SLC23A3: variants seen among roughly 807,000 people sequenced by gnomAD.
SLC23A3 encodes the protein E2-binding protein 3.
A neutral mutation model predicts 64.7 loss-of-function variants in SLC23A3; 41 were observed. The observed-to-expected ratio is 0.63, with a 90% CI of 0.49 to 0.82. The LOEUF is 0.82. Ranked by LOEUF, SLC23A3 falls within the 40% of genes least tolerant of loss-of-function variation. The pLI is 0.00. For missense variants in SLC23A3, 647 were observed against 733.4 expected (o/e 0.88, Z 1.36); for synonymous variants, 281 against 306.8 (o/e 0.92, Z 0.88).
intron 8 of SLC23A3, 50 bp from the exon 9 acceptor site, chr2:219,164,388 C>G: frequency 7.9e-7 from 1 of 1,261,306 alleles, no homozygotes; most frequent in Non-Finnish European, 1.1e-6. Flanking sequence ...TCAGACTGTC[C>G]CAGGTCTTTG....
chr2:219,163,068 C>T (rs922494202), intron 10 of SLC23A3, among the ~76,000 whole-genome samples: 1 of 152,228 alleles, frequency 6.6e-6, no homozygotes, highest in African/African-American at 2.4e-5. Context: ...ATGTTTAAAA[C>T]TTACCATCCT....
Position 219,169,816 on chromosome 2 carries a change from C to T in SLC23A3, c.162+7G>A, listed in dbSNP as rs1304164546. ...GCAGCACCAACTCCTGCACCTCTGC[C>T]TCCTACCTGCAGAGCCAGAAGACAG... On this transcript the variant is annotated splice_region_variant and intron_variant, in intron 1 of 11. Transcript: ENST00000409878. The surrounding 1 kb of genome is among the most constrained non-coding windows in gnomAD (Gnocchi z 4.5). 3 of 1,613,898 alleles carry T rather than the reference C, an allele frequency of 1.9e-6. No homozygotes were observed. Among genetic ancestry groups the T allele is most frequent in the Admixed American group, 1.7e-5 (1 of 59,970 alleles).
At position 219,169,883 on chromosome 2, in the gene SLC23A3, G is replaced by A. The variant is rs371125741; in HGVS notation, c.102C>T (p.His34=). ...PPPAPQNPST[H]SWDPLCGSLP... Reference sequence around the variant, plus strand: ...GAGATCCACACAAAGGGTCCCAAGAGTGGGTGGAGGGATTCTGGGGAGCAG... The same window carrying A: ...GAGATCCACACAAAGGGTCCCAAGAATGGGTGGAGGGATTCTGGGGAGCAG... Residue 34 remains histidine (H), a synonymous_variant, in exon 1 of 12, where the codon CAC becomes CAT. Transcript: ENST00000409878. The surrounding 1 kb of genome is among the most constrained non-coding windows in gnomAD (Gnocchi z 4.5). 28 of 1,613,578 alleles carry A rather than the reference G, an allele frequency of 1.7e-5. No individual in the cohort carries two copies. Among genetic ancestry groups the A allele is most frequent in the Non-Finnish European group, 2.2e-5 (26 of 1,179,838 alleles).
chr2:219,162,142 G>C lies in SLC23A3; in HGVS notation c.1600C>G (p.Arg534Gly). The C allele has an allele frequency of 1.9e-6, 3 of 1,613,966 alleles. No homozygotes were observed. The highest frequency in any genetic ancestry group is 1.1e-5 in the South Asian group (1 of 91,046). Residue 534 changes from arginine (R) to glycine (G), a missense_variant, in exon 12 of 12, where the codon CGA (arginine) becomes GGA (glycine). Arg to Gly is a moderately radical substitution (Grantham distance 125). Coordinates refer to ENST00000409878, the MANE Select transcript of SLC23A3 (RefSeq NM_001144889.2). ...LPSPFTAQEA[R>G]MPQKPREKAA... Reference sequence around the variant, plus strand: ...TTCTCCCTGGGCTTCTGAGGCATTCGAGCCTCTTGGGCAGTGAAAGGAGAT... The same window carrying C: ...TTCTCCCTGGGCTTCTGAGGCATTCCAGCCTCTTGGGCAGTGAAAGGAGAT...
chr2:219,161,795 C>T lies in SLC23A3; in HGVS notation c.*114G>A, dbSNP rs1426351778. The T allele has an allele frequency of 3.3e-6, 4 of 1,205,394 alleles. No individual in the cohort carries two copies. In the East Asian group the frequency reaches 7.1e-5, roughly 21 times the overall value. The allele number at this position is 1,205,394 out of a possible 1,614,324, so 74.7% of individuals were successfully genotyped here. The stretch of plus-strand genomic sequence containing the variant: ...GGGAAATGGAACCTCTAGACAGTCC[C>T]ATGTAATACACACACACATATCCTC... On this transcript the variant is annotated 3_prime_UTR_variant, in exon 12 of 12. Coordinates refer to ENST00000409878, the MANE Select transcript of SLC23A3 (RefSeq NM_001144889.2).
intron 4 of SLC23A3, 69 bp downstream of exon 4, chr2:219,168,960 C>T: frequency 6.4e-7 from 1 of 1,562,978 alleles, no homozygotes; most frequent in Non-Finnish European, 8.8e-7. Flanking sequence ...TCAGTCTGTG[C>T]ATAATGGAAA....
chr2:219,163,249 C>A, intron 10 of SLC23A3, 139 bp downstream of exon 10: 1 of 838,176 alleles, frequency 1.2e-6, no homozygotes, highest in Non-Finnish European at 1.9e-6. Flanking sequence ...TAGCATAGTG[C>A]TCAATAAATA....
In SLC23A3 at chr2:219,169,179, C is replaced by G; in HGVS notation, c.419-77G>C. ...CATTGCTCTACAGTCCCACTCCTGG[C>G]ACAGGTCCAAGCCCCCTATAGTGTC... is the stretch of plus-strand genomic sequence containing the variant. On this transcript the variant is annotated intron_variant, in intron 3 of 11. Transcript: ENST00000409878. This position sits in a 1 kb window ranked among gnomAD's most constrained non-coding sequence, Gnocchi z 4.5. 3.1e-6 allele frequency: 5 copies of G among 1,606,238 alleles called. No homozygotes were observed. Among genetic ancestry groups the G allele is most frequent in the Non-Finnish European group, 4.3e-6 (5 of 1,173,676 alleles).
chr2:219,163,477 C>T lies in SLC23A3; in HGVS notation c.1352G>A (p.Gly451Glu). 2 of 1,614,142 alleles carry T rather than the reference C, an allele frequency of 1.2e-6. 1 individual carries two copies. Among genetic ancestry groups the T allele is most frequent in the Non-Finnish European group, 1.7e-6 (2 of 1,180,030 alleles). ...SSFYLADIDS[G>E]RNIFIVGFSI... Reference sequence around the variant, plus strand: ...GAAGCCCACAATGAAGATATTTCGCCCAGAGTCTATGTCAGCCAGGTAGAA... The same window carrying T: ...GAAGCCCACAATGAAGATATTTCGCTCAGAGTCTATGTCAGCCAGGTAGAA... Residue 451 changes from glycine (G) to glutamate (E), a missense_variant, in exon 10 of 12, where the codon GGG becomes GAG. Transcript: ENST00000409878.
In SLC23A3 at chr2:219,168,663, C is replaced by A. The variant is rs997092770; in HGVS notation, c.663G>T (p.Gly221=). The stretch of plus-strand genomic sequence containing the variant: ...CAGGACTCACGTACAGCAAGGCCAA[C>A]CCCCAGTGTGTGAAGCAGAACTGGG... ...EVAQFCFTHW[G]LALLVILLMV... is the part of the protein sequence containing the mutation. Residue 221 remains glycine (G), a synonymous_variant, in exon 5 of 12, where the codon GGG becomes GGT. Transcript: ENST00000409878. The A allele has an allele frequency of 1.9e-6, 3 of 1,613,706 alleles. No individual in the cohort carries two copies. In the African/African-American group the frequency reaches 4.0e-5, roughly 22 times the overall value.
At chr2:219,166,006 G>A (rs929631584) in intron 7 of SLC23A3, among the ~76,000 whole-genome samples, 1 of 152,122 alleles carries the variant, frequency 6.6e-6, no homozygotes, top group Non-Finnish European at 1.5e-5. Context: ...GGTGGTGCAT[G>A]CCTGTAATCC....
intron 4 of SLC23A3, 96 bp downstream of exon 4, chr2:219,168,933 T>C (rs944377587): frequency 1.9e-6 from 3 of 1,554,846 alleles, no homozygotes; most frequent in East Asian, 2.3e-5. Context: ...CTCCCAAAAC[T>C]CCTTTCCAGG....
chr2:219,169,494 C>A lies in SLC23A3; in HGVS notation c.320+27G>T. The A allele has an allele frequency of 6.2e-7, 1 of 1,613,818 alleles. No individual in the cohort carries two copies. Among genetic ancestry groups the A allele is most frequent in the Non-Finnish European group, 8.5e-7 (1 of 1,179,830 alleles). Reference sequence around the variant, plus strand: ...CCTCTCCTACCCTCCAGGACTCTGCCCCTCTCTCCAGGGAGGTTCCTCTCA... The same window carrying A: ...CCTCTCCTACCCTCCAGGACTCTGCACCTCTCTCCAGGGAGGTTCCTCTCA... On this transcript the variant is annotated intron_variant, in intron 2 of 11. Transcript: ENST00000409878. The surrounding 1 kb of genome is among the most constrained non-coding windows in gnomAD (Gnocchi z 4.5).
intron 7 of SLC23A3, among the ~76,000 whole-genome samples, chr2:219,167,220 A>G (rs886956092): frequency 6.6e-6 from 1 of 152,144 alleles, no homozygotes; most frequent in South Asian, 2.1e-4. Context: ...GTTTGCATCA[A>G]TGCTCTCAGC....
chr2:219,164,175 A>C, intron 9 of SLC23A3, 58 bp downstream of exon 9: 5 of 1,205,706 alleles, frequency 4.1e-6, no homozygotes, highest in Non-Finnish European at 6.0e-6. Flanking sequence ...TAAAGAACTG[A>C]TCAGGCCACA....
chr2:219,164,216 T>C lies in SLC23A3; in HGVS notation c.1273+17A>G, dbSNP rs1462986356. 1 of 1,566,672 alleles carries C rather than the reference T, an allele frequency of 6.4e-7. No homozygotes were observed. The highest frequency in any genetic ancestry group is 2.3e-5 in the East Asian group (1 of 43,746). On this transcript the variant is annotated intron_variant, in intron 9 of 11. Coordinates refer to ENST00000409878, the MANE Select transcript of SLC23A3 (RefSeq NM_001144889.2). ...GAGTAGCAGTTCAATACCAGCCCTG[T>C]TGATACATCCACTCACCAACAACAG...
chr2:219,161,967 G>A lies in SLC23A3; in HGVS notation c.1775C>T (p.Pro592Leu). Reference protein sequence around the residue: ...SEPEEMADLLPGSGEPCPESS... With the variant: ...SEPEEMADLLLGSGEPCPESS... ...TTCAGGGCATGGCTCCCCTGAGCCA[G>A]GCAGCAAGTCTGCCATCTCTTCTGG... The change falls in exon 12 of 12, where the codon CCT (proline) becomes CTT (leucine). Residue 592 changes from proline (P) to leucine (L), a missense_variant. Physicochemically the swap from Pro to Leu is moderately conservative, Grantham distance 98. Coordinates refer to ENST00000409878, the MANE Select transcript of SLC23A3 (RefSeq NM_001144889.2). 3.1e-6 allele frequency: 5 copies of A among 1,610,178 alleles called. No individual in the cohort carries two copies. Among genetic ancestry groups the A allele is most frequent in the Non-Finnish European group, 4.2e-6 (5 of 1,177,582 alleles).
chr2:219,163,464 G>A lies in SLC23A3; in HGVS notation c.1365C>T (p.Phe455=), dbSNP rs746266021. Residue 455 remains phenylalanine (F), a synonymous_variant, in exon 10 of 12, where the codon TTC becomes TTT. Transcript: ENST00000409878. ...LADIDSGRNI[F]IVGFSIFMAL... is the part of the protein sequence containing the mutation. ...CCATGAAGATGGAGAAGCCCACAAT[G>A]AAGATATTTCGCCCAGAGTCTATGT... 6.2e-7 allele frequency: 1 copy of A among 1,614,212 alleles called. No individual in the cohort carries two copies. Among genetic ancestry groups the A allele is most frequent in the South Asian group, 1.1e-5 (1 of 91,090 alleles).
intron 8 of SLC23A3, 43 bp downstream of exon 8, chr2:219,165,126 C>T (rs1949991753): frequency 2.6e-6 from 4 of 1,545,086 alleles, no homozygotes; most frequent in Non-Finnish European, 3.5e-6. Flanking sequence ...TCTTCTTCCC[C>T]TCTAGCTCCA....
Sources: gnomAD v4.1 joint callset for allele counts (sites outside exome capture counted in the v4.1 genomes callset) on GRCh38, gnomAD v4.1.1 for gene constraint, Gnocchi (gnomAD v3.1) non-coding constraint, MANE v1.5 for transcripts, NCBI Gene and HGNC (gene_info 2026-07-23, HGNC 2026-07-21) for gene names.